The following MIPOL1 variants were observed in gnomAD, a reference collection of about 807,000 sequenced individuals.
The protein encoded by MIPOL1 is mirror-image polydactyly 1, also known as mirror-image polydactyly gene 1 protein.
MIPOL1 carries 57 observed loss-of-function variants against 60.9 expected under a neutral mutation model. That is an observed-to-expected ratio of 0.94 (90% CI 0.76 to 1.17). MIPOL1 has a LOEUF of 1.17. MIPOL1 is among the 50% of genes most tolerant of loss of function. MIPOL1 has a pLI of 0.00. For missense variants in MIPOL1, 551 were observed against 511.6 expected (o/e 1.08, Z -0.74); for synonymous variants, 179 against 168.8 (o/e 1.06, Z -0.47).
chr14:37,395,031 C>T (rs763073013), intron 10 of MIPOL1, among the ~76,000 whole-genome samples: 10 of 152,040 alleles, frequency 6.6e-5, no homozygotes, highest in Non-Finnish European at 1.5e-4. Flanking sequence ...TGTCCTTTCC[C>T]CACTTTGTTT....
intron 9 of MIPOL1, among the ~76,000 whole-genome samples, chr14:37,334,687 C>A (rs72671758): frequency 0.22 from 33,234 of 151,770 alleles, 4,112 homozygotes; most frequent in South Asian, 0.36. Context: ...TTATTTCCAC[C>A]AGCCCTAAGC....
At chr14:37,387,629 T>G (rs1341368239) in intron 10 of MIPOL1, among the ~76,000 whole-genome samples, 1 of 151,954 alleles carries the variant, frequency 6.6e-6, no homozygotes, top group Non-Finnish European at 1.5e-5. Flanking sequence ...CTAATTTACA[T>G]ATATTCACTT....
At chr14:37,445,163 A>T (rs1460437883) in intron 11 of MIPOL1, among the ~76,000 whole-genome samples, 1 of 152,146 alleles carries the variant, frequency 6.6e-6, no homozygotes, top group Non-Finnish European at 1.5e-5. Context: ...ACATGATTGT[A>T]TATCTAGAAA....
intron 1 of MIPOL1, among the ~76,000 whole-genome samples, chr14:37,199,521 T>C (rs1964877326): frequency 6.7e-6 from 1 of 149,942 alleles, no homozygotes; most frequent in Admixed American, 6.7e-5. Context: ...TTATGTATAC[T>C]TTTTTTTTTC....
intron 10 of MIPOL1, among the ~76,000 whole-genome samples, chr14:37,416,332 C>T (rs943968867): frequency 1.3e-5 from 2 of 152,046 alleles, no homozygotes; most frequent in Non-Finnish European, 2.9e-5. Context: ...TCATGTATCA[C>T]TTACAGTGGG....
At chr14:37,474,978 T>G (rs2094747637) in intron 11 of MIPOL1, among the ~76,000 whole-genome samples, 1 of 152,106 alleles carries the variant, frequency 6.6e-6, no homozygotes, top group Non-Finnish European at 1.5e-5. Flanking sequence ...TATTTTTATT[T>G]TTTTTTGAGA....
chr14:37,464,942 A>G (rs1399008889), intron 11 of MIPOL1, among the ~76,000 whole-genome samples: 1 of 152,178 alleles, frequency 6.6e-6, no homozygotes, highest in Admixed American at 6.5e-5. Flanking sequence ...AACTAGCATC[A>G]TATTTTCAAC....
At chr14:37,208,730 A>G (rs781368585) in intron 1 of MIPOL1, among the ~76,000 whole-genome samples, 1 of 152,122 alleles carries the variant, frequency 6.6e-6, no homozygotes, top group African/African-American at 2.4e-5. Flanking sequence ...CGTAGCTGGG[A>G]TTACAGGTGC....
At chr14:37,217,650 A>G (rs936722910) in intron 1 of MIPOL1, among the ~76,000 whole-genome samples, 5 of 152,232 alleles carry the variant, frequency 3.3e-5, no homozygotes, top group African/African-American at 1.2e-4. Context: ...CCATACAATC[A>G]TTTCAATTGA....
At chr14:37,490,327 G>A (rs541808303) in intron 11 of MIPOL1, among the ~76,000 whole-genome samples, 4 of 152,156 alleles carry the variant, frequency 2.6e-5, no homozygotes, top group Non-Finnish European at 2.9e-5. Flanking sequence ...ATCCGAGGTC[G>A]ACCTCATACT....
chr14:37,279,619 G>C (rs1395246713), intron 6 of MIPOL1, among the ~76,000 whole-genome samples: 1 of 151,670 alleles, frequency 6.6e-6, no homozygotes, highest in Non-Finnish European at 1.5e-5. Context: ...GGGTTTTTTT[G>C]TTTTATTTTT....
At chr14:37,256,687 A>T (rs1974972783) in intron 3 of MIPOL1, among the ~76,000 whole-genome samples, 1 of 151,914 alleles carries the variant, frequency 6.6e-6, no homozygotes, top group Non-Finnish European at 1.5e-5. Flanking sequence ...AGGTAAGAAG[A>T]TGACAAAAAA....
chr14:37,236,420 T>A (rs1971488931), intron 1 of MIPOL1, among the ~76,000 whole-genome samples: 1 of 151,874 alleles, frequency 6.6e-6, no homozygotes, highest in Admixed American at 6.6e-5. Flanking sequence ...TGTAGTAGTG[T>A]GTTTCTTTTG....
At chr14:37,355,762 T>G (rs1398553485) in intron 9 of MIPOL1, among the ~76,000 whole-genome samples, 5 of 150,558 alleles carry the variant, frequency 3.3e-5, no homozygotes, top group Admixed American at 2.7e-4. Flanking sequence ...CTCCATCAGC[T>G]GCTTTAAGCA....
intron 7 of MIPOL1, among the ~76,000 whole-genome samples, chr14:37,293,563 A>G (rs2085304031): frequency 6.6e-6 from 1 of 152,148 alleles, no homozygotes; most frequent in Non-Finnish European, 1.5e-5. Context: ...TCCTAGTCAA[A>G]GAAAGGGGTG....
intron 7 of MIPOL1, among the ~76,000 whole-genome samples, chr14:37,299,501 G>T (rs997995949): frequency 1.3e-5 from 2 of 151,936 alleles, no homozygotes; most frequent in African/African-American, 4.8e-5. Flanking sequence ...TTACCATTTG[G>T]TTAAGTTGCA....
At chr14:37,323,051 A>G (rs2088775643) in intron 9 of MIPOL1, among the ~76,000 whole-genome samples, 1 of 152,098 alleles carries the variant, frequency 6.6e-6, no homozygotes, top group South Asian at 2.1e-4. Context: ...GTCTTTGCCC[A>G]TACCTATGTT....
At chr14:37,442,088 T>TTGTGTGTGTGTGTGTG (rs3985271) in intron 11 of MIPOL1, among the ~76,000 whole-genome samples, 1 of 143,714 alleles carries the variant, frequency 7.0e-6, no homozygotes, top group African/African-American at 2.6e-5. Context: ...TTCTACTTTG[T>TTGTGTGTGTGTGTGTG]TGTGTGTGTG....
chr14:37,514,663 C>T (rs2095355160), intron 12 of MIPOL1, among the ~76,000 whole-genome samples: 2 of 151,322 alleles, frequency 1.3e-5, no homozygotes, highest in Non-Finnish European at 2.9e-5. Flanking sequence ...CTCTTGTTGC[C>T]CAGGCTGGAG....
Sources: gnomAD v4.1 joint callset for allele counts (sites outside exome capture counted in the v4.1 genomes callset) on GRCh38, gnomAD v4.1.1 for gene constraint, MANE v1.5 for transcripts, NCBI Gene and HGNC (gene_info 2026-07-23, HGNC 2026-07-21) for gene names.